FAM47E: variants seen among roughly 807,000 people sequenced by gnomAD.
FAM47E encodes protein FAM47E.
FAM47E carries 32 observed loss-of-function variants against 41.6 expected under a neutral mutation model. That is an observed-to-expected ratio of 0.77 (90% CI 0.58 to 1.03). The LOEUF (loss-of-function observed/expected upper bound fraction) is 1.03. FAM47E is among the 50% of genes least tolerant of loss of function. The pLI is 0.00. For synonymous variants in FAM47E, 184 were observed against 188.7 expected (o/e 0.98, Z 0.20); for missense variants, 424 against 485.4 (o/e 0.87, Z 1.19).
At chr4:76,266,418 A>G (rs895563146) in intron 3 of FAM47E, among the ~76,000 whole-genome samples, 3 of 152,192 alleles carry the variant, frequency 2.0e-5, no homozygotes, top group Non-Finnish European at 2.9e-5. Context: ...TGGGAACCCC[A>G]TCTTTCCAGT....
chr4:76,282,583 T>C (rs1252432306), intron 7 of FAM47E: 1 of 152,218 alleles, frequency 6.6e-6, no homozygotes, highest in Non-Finnish European at 1.5e-5. Flanking sequence ...CAATCCTGCA[T>C]GCAATTTTGT....
At chr4:76,249,236 A>G (rs954164256), upstream of FAM47E, among the ~76,000 whole-genome samples, 1 of 152,164 alleles carries the variant, frequency 6.6e-6, no homozygotes, top group Non-Finnish European at 1.5e-5. Flanking sequence ...TCAAAAAAGA[A>G]AACAAAACAA....
At chr4:76,254,374 G>C (rs995910355) in intron 1 of FAM47E, among the ~76,000 whole-genome samples, 1 of 152,018 alleles carries the variant, frequency 6.6e-6, no homozygotes, top group East Asian at 1.9e-4. Flanking sequence ...TAATATGGAG[G>C]GTTACTTACT....
In FAM47E at chr4:76,256,310, C is replaced by A. The variant is rs748867523; in HGVS notation, c.207C>A (p.Val69=). The A allele has an allele frequency of 1.9e-6, 3 of 1,551,678 alleles. No individual in the cohort carries two copies. Among genetic ancestry groups the A allele is most frequent in the East Asian group, 2.4e-5 (1 of 40,918 alleles). ...CPPCTGLVTQ[V]PVEGFLPQIY... The stretch of plus-strand genomic sequence containing the variant: ...CTTGCACTGGTCTGGTGACTCAGGT[C>A]CCTGTGGAGGGCTTTCTGCCCCAGA... Residue 69 remains valine, a synonymous_variant, in exon 2 of 8, where the codon GTC becomes GTA. Coordinates refer to ENST00000424749, the MANE Select transcript of FAM47E (RefSeq NM_001136570.3).
chr4:76,233,789 A>G (rs991349009), intron 2 of FAM47E, among the ~76,000 whole-genome samples: 6 of 152,152 alleles, frequency 3.9e-5, no homozygotes, highest in Non-Finnish European at 5.9e-5. Context: ...AGTGCCCCCA[A>G]TATGTAAAAC....
At chr4:76,278,955 G>C (rs190279495) in intron 6 of FAM47E, 1 of 152,146 alleles carries the variant, frequency 6.6e-6, no homozygotes, top group Non-Finnish European at 1.5e-5. Flanking sequence ...GATAACAGAC[G>C]TGAAAACACT....
chr4:76,224,996 T>C (rs1263430554), intron 2 of FAM47E, among the ~76,000 whole-genome samples: 1 of 152,018 alleles, frequency 6.6e-6, no homozygotes, highest in Non-Finnish European at 1.5e-5. Context: ...GCATCTTATA[T>C]GCATCCTCAT....
intron 2 of FAM47E, among the ~76,000 whole-genome samples, chr4:76,231,364 T>C (rs1289117750): frequency 6.6e-6 from 1 of 152,232 alleles, no homozygotes; most frequent in Non-Finnish European, 1.5e-5. Context: ...TTGTTCTTTC[T>C]GAGCTGCAGC....
chr4:76,216,794 T>C (rs1262553168), intron 1 of FAM47E, among the ~76,000 whole-genome samples: 2 of 152,210 alleles, frequency 1.3e-5, no homozygotes, highest in East Asian at 3.8e-4. Context: ...CTGACCAGGC[T>C]AGCATTTTTA....
upstream of FAM47E, chr4:76,251,591 CGGAGAAGGGGTT>C: frequency 2.3e-6 from 3 of 1,302,984 alleles, no homozygotes; most frequent in Non-Finnish European, 2.9e-6. Flanking sequence ...CCCCAGGCGT[CGGAGAAGGGGTT>C]GGACCGCGCA....
intron 6 of FAM47E, chr4:76,278,445 T>G: frequency 2.2e-6 from 1 of 451,140 alleles, no homozygotes. Flanking sequence ...ATGACATCTC[T>G]AAAGATTGGA....
intron 4 of FAM47E, 86 bp downstream of exon 4, chr4:76,268,854 A>G: frequency 1.3e-6 from 2 of 1,496,018 alleles, no homozygotes; most frequent in Non-Finnish European, 1.8e-6. Context: ...TTAAATGTCA[A>G]GCTCAAAGTT....
rs1177670095 is a variant in FAM47E, at chr4:76,283,614, T to C, written c.*156T>C. On this transcript the variant is annotated 3_prime_UTR_variant, in exon 8 of 8. Coordinates refer to ENST00000424749, the MANE Select transcript of FAM47E (RefSeq NM_001136570.3). ...ATCTGTAAATGTAATACCTGATGGT[T>C]ATAAGCATTTCTCAATGGATTTCTG... The C allele has an allele frequency of 1.8e-6, 1 of 552,918 alleles. No individual in the cohort carries two copies. Among genetic ancestry groups the C allele is most frequent in the Non-Finnish European group, 3.2e-6 (1 of 307,698 alleles). 34.3% of individuals were successfully genotyped at this position (552,918 alleles called of 1,614,324 possible).
At chr4:76,237,354 T>G (rs1163828658) in intron 2 of FAM47E, among the ~76,000 whole-genome samples, 4 of 11,254 alleles carry the variant, frequency 3.6e-4, no homozygotes, top group East Asian at 4.7e-3. Flanking sequence ...CCTTAGAGTT[T>G]TTTTTTTTTT....
chr4:76,229,817 A>G (rs901925358), intron 2 of FAM47E, among the ~76,000 whole-genome samples: 5 of 152,184 alleles, frequency 3.3e-5, no homozygotes, highest in African/African-American at 1.2e-4. Context: ...GATGCTGGTT[A>G]TGCTAGCAGT....
At chr4:76,216,370 T>C (rs905624772) in intron 1 of FAM47E, among the ~76,000 whole-genome samples, 3 of 152,206 alleles carry the variant, frequency 2.0e-5, no homozygotes, top group Admixed American at 6.5e-5. Context: ...CAGAAGTTCA[T>C]GCTCACACTG....
At chr4:76,214,105 T>C (rs1733148459) in exon 1 of FAM47E, 2 of 405,882 alleles carry the variant, frequency 4.9e-6, no homozygotes, top group Admixed American at 5.5e-5. Context: ...CACACACTCA[T>C]TTACTCATTC....
intron 2 of FAM47E, among the ~76,000 whole-genome samples, chr4:76,227,251 A>T (rs13140675): frequency 0.15 from 22,792 of 152,076 alleles, 2,034 homozygotes; most frequent in East Asian, 0.35. Flanking sequence ...AGAATTTTTT[A>T]AATTTCCATT....
chr4:76,219,480 G>C (rs1477874394), intron 2 of FAM47E, among the ~76,000 whole-genome samples: 1 of 152,250 alleles, frequency 6.6e-6, no homozygotes, highest in Non-Finnish European at 1.5e-5. Flanking sequence ...TATCAAGGCT[G>C]TCTGATTTCC....
Sources: gnomAD v4.1 joint callset for allele counts (sites outside exome capture counted in the v4.1 genomes callset) on GRCh38, gnomAD v4.1.1 for gene constraint, MANE v1.5 for transcripts, NCBI Gene and HGNC (gene_info 2026-07-23, HGNC 2026-07-21) for gene names.